The following NUAK1 variants were observed in gnomAD, a reference collection of about 807,000 sequenced individuals.
NUAK1 encodes the protein NUAK family SNF1-like kinase 1.
A neutral mutation model predicts 56.9 loss-of-function variants in NUAK1; 26 were observed. That is an observed-to-expected ratio of 0.46 (90% CI 0.33 to 0.63). The LOEUF (loss-of-function observed/expected upper bound fraction) is 0.63, where lower values mean the gene tolerates loss of function less well. NUAK1 is among the 30% of genes least tolerant of loss of function. The probability of loss-of-function intolerance (pLI) is 0.02; values close to 1 mark genes in which losing one functional copy is unlikely to be tolerated. For missense variants in NUAK1, 727 were observed against 876.1 expected, an observed-to-expected ratio of 0.83 and a Z score of 2.15; for synonymous variants, 337 against 336.0, an observed-to-expected ratio of 1.00 and a Z score of -0.03.
intron 1 of NUAK1, among the ~76,000 whole-genome samples, chr12:106,123,755 G>A (rs1013439998): frequency 2.0e-5 from 3 of 152,150 alleles, no homozygotes; most frequent in Non-Finnish European, 4.4e-5. Context: ...CTGCAGCTCA[G>A]GATCACACCA....
Position 106,133,680 on chromosome 12 carries a change from C to G in NUAK1, c.240+4734G>C, listed in dbSNP as rs540475058. On this transcript the variant is annotated intron_variant, in intron 1 of 6. Coordinates refer to ENST00000261402, the MANE Select transcript of NUAK1 (RefSeq NM_014840.3). The stretch of plus-strand genomic sequence containing the variant: ...TTAGCACAGTGGGATGCACCACAAG[C>G]TCTCAAAAATATCAGCTGGTAGTAA... 5.9e-5 allele frequency among the ~76,000 whole-genome samples: 9 copies of G among 152,254 alleles called. No individual in the cohort carries two copies. In the South Asian group the frequency reaches 1.9e-3, roughly 32 times the overall value.
rs1457413285 is a variant in NUAK1 at position 106,067,938 on chromosome 12, G to A, written c.850C>T (p.Arg284Trp). Residue 284 changes from arginine (R) to tryptophan (W), a missense_variant, in exon 7 of 7, where the codon CGG (arginine) becomes TGG (tryptophan). Physicochemically the swap from Arg to Trp is moderately radical, Grantham distance 101 (BLOSUM62 -3). Coordinates refer to ENST00000261402, the MANE Select transcript of NUAK1 (RefSeq NM_014840.3). The surrounding 1 kb of genome is among the most constrained non-coding windows in gnomAD (Gnocchi z 6.0). ...TCGGGGTTCACCATCAGCATCCACCGTATGAGTCCTCGAGCATCTAAGGGA... is the reference window on the plus strand; with the variant it reads ...TCGGGGTTCACCATCAGCATCCACCATATGAGTCCTCGAGCATCTAAGGGA... ...TQPSDARGLI[R>W]WMLMVNPDRR... 2 of 1,609,066 alleles carry A rather than the reference G, an allele frequency of 1.2e-6. No homozygotes were observed. Among genetic ancestry groups the A allele is most frequent in the Non-Finnish European group, 8.5e-7 (1 of 1,176,566 alleles).
At chr12:106,094,833 T>C (rs2032678144) in intron 2 of NUAK1, among the ~76,000 whole-genome samples, 1 of 152,280 alleles carries the variant, frequency 6.6e-6, no homozygotes. Flanking sequence ...CCGTGCCTGC[T>C]AGGATTAATA....
intron 2 of NUAK1, among the ~76,000 whole-genome samples, chr12:106,091,226 T>C (rs1192124318): frequency 1.3e-5 from 2 of 152,244 alleles, no homozygotes; most frequent in Non-Finnish European, 2.9e-5. Context: ...TGAAAGCCTG[T>C]GTCTCTTGGC....
rs1266733924 is a variant in NUAK1 at position 106,067,778 on chromosome 12, C to A, written c.1010G>T (p.Arg337Leu). 1.1e-5 allele frequency: 18 copies of A among 1,614,206 alleles called. No homozygotes were observed. Among genetic ancestry groups the A allele is most frequent in the Non-Finnish European group, 1.5e-5 (18 of 1,180,036 alleles). Residue 337 changes from arginine (R) to leucine (L), a missense_variant, in exon 7 of 7, where the codon CGT becomes CTT. Coordinates refer to ENST00000261402, the MANE Select transcript of NUAK1 (RefSeq NM_014840.3). This position sits in a 1 kb window ranked among gnomAD's most constrained non-coding sequence, Gnocchi z 6.0. ...GGTGTCAGCCTGCAGCCCTGTGGAA[C>A]GGTGGTGCCAGTCAATGATCCGAGC... is the stretch of plus-strand genomic sequence containing the variant. The part of the protein sequence containing the change: ...LLARIIDWHH[R>L]STGLQADTEA...
chr12:106,090,463 CT>C (rs2032624313), intron 2 of NUAK1, among the ~76,000 whole-genome samples: 1 of 152,188 alleles, frequency 6.6e-6, no homozygotes, highest in Admixed American at 6.5e-5. Flanking sequence ...AATAATCATT[CT>C]GCATGAATTA....
intron 1 of NUAK1, among the ~76,000 whole-genome samples, chr12:106,107,022 G>C (rs900201935): frequency 6.6e-6 from 1 of 152,154 alleles, no homozygotes; most frequent in African/African-American, 2.4e-5. Flanking sequence ...CGGCTTTTAA[G>C]ACTCCAGGCT....
intron 1 of NUAK1, among the ~76,000 whole-genome samples, chr12:106,115,020 T>C (rs959167926): frequency 6.6e-6 from 1 of 152,224 alleles, no homozygotes; most frequent in African/African-American, 2.4e-5. Flanking sequence ...TGAAGACTGA[T>C]TTAATATCAC....
intron 4 of NUAK1, among the ~76,000 whole-genome samples, chr12:106,074,410 T>C (rs1331280263): frequency 6.6e-6 from 1 of 152,244 alleles, no homozygotes; most frequent in Non-Finnish European, 1.5e-5. Context: ...TTTTATGTTA[T>C]GTCCACTTTA....
chr12:106,072,819 G>T lies in NUAK1; in HGVS notation c.604C>A (p.Leu202Met). The T allele has an allele frequency of 1.2e-6, 2 of 1,614,064 alleles. No individual in the cohort carries two copies. The highest frequency in any genetic ancestry group is 1.7e-6 in the Non-Finnish European group (2 of 1,179,956). Residue 202 changes from leucine to methionine, a missense_variant, in exon 5 of 7, where the codon CTG becomes ATG. Physicochemically the swap from Leu to Met is conservative, Grantham distance 15. Coordinates refer to ENST00000261402, the MANE Select transcript of NUAK1 (RefSeq NM_014840.3). ...IKIADFGLSNLYQKDKFLQTF... is the reference protein window; with the variant it reads ...IKIADFGLSNMYQKDKFLQTF... ...TGTAAGAACTTATCCTTCTGGTACA[G>T]GTTGGAAAGCCCAAAGTCAGCAATC...
intron 1 of NUAK1, among the ~76,000 whole-genome samples, chr12:106,128,970 T>C (rs2033051345): frequency 6.6e-6 from 1 of 152,212 alleles, no homozygotes; most frequent in Non-Finnish European, 1.5e-5. Flanking sequence ...AAAAAATGTT[T>C]TGAAAACCTT....
chr12:106,084,036 A>C, intron 3 of NUAK1, 107 bp from the exon 4 acceptor site: 1 of 953,672 alleles, frequency 1.0e-6, no homozygotes, highest in Non-Finnish European at 1.7e-6. Flanking sequence ...GACAGATTAA[A>C]GAAATGCACC....
chr12:106,112,469 T>A (rs12297025), intron 1 of NUAK1, among the ~76,000 whole-genome samples: 43,243 of 152,008 alleles, frequency 0.28, 11,313 homozygotes, highest in African/African-American at 0.7. Flanking sequence ...AGGATCACCA[T>A]GTGGCTTTCA....
At position 106,064,803 on chromosome 12, in the gene NUAK1, AC is replaced by A. The variant is rs1307536104; in HGVS notation, c.*1998del. 3.3e-5 allele frequency: 2 copies of A among 59,828 alleles called. No individual in the cohort carries two copies. Among genetic ancestry groups the A allele is most frequent in the African/African-American group, 9.9e-5 (2 of 20,298 alleles). The allele number at this position is 59,828 out of a possible 1,614,324, so 3.7% of individuals were successfully genotyped here. A position where few individuals can be genotyped will look rare whatever the true frequency, so the allele number is the denominator to read the frequency against. ...TGCACCCACACCCCCACCCCCCCCCACACACACAATTTGCTATCTACAGAAT... is the reference window on the plus strand; with the variant it reads ...TGCACCCACACCCCCACCCCCCCCCAACACACAATTTGCTATCTACAGAAT... On this transcript the variant is annotated 3_prime_UTR_variant, in exon 7 of 7. Coordinates refer to ENST00000261402, the MANE Select transcript of NUAK1 (RefSeq NM_014840.3).
chr12:106,096,467 CTG>C (rs1345565729), intron 2 of NUAK1, among the ~76,000 whole-genome samples: 3 of 152,214 alleles, frequency 2.0e-5, no homozygotes, highest in Non-Finnish European at 2.9e-5. Context: ...CTCTCTGGTG[CTG>C]TGTTACGAAT....
rs1446294128 is a variant in NUAK1 at position 106,065,885 on chromosome 12, A to G, written c.*917T>C. 2 of 152,564 alleles carry G rather than the reference A, an allele frequency of 1.3e-5. No individual in the cohort carries two copies. The highest frequency in any genetic ancestry group is 2.9e-5 in the Non-Finnish European group (2 of 68,034). The allele number at this position is 152,564 out of a possible 1,614,324, so 9.5% of individuals were successfully genotyped here. On this transcript the variant is annotated 3_prime_UTR_variant, in exon 7 of 7. Transcript: ENST00000261402. ...GACCATCTTGTGCCCTGTCATATATAATAGTTTTGACCTCTGACACCATCA... is the reference window on the plus strand; with the variant it reads ...GACCATCTTGTGCCCTGTCATATATGATAGTTTTGACCTCTGACACCATCA...
rs568710120 is a variant in NUAK1, at chr12:106,138,632, C to T, written c.22G>A (p.Val8Met). Residue 8 changes from valine (V) to methionine (M), a missense_variant, in exon 1 of 7, where the codon GTG (valine) becomes ATG (methionine). By Grantham distance (21) the Val-to-Met change is conservative. Coordinates refer to ENST00000261402, the MANE Select transcript of NUAK1 (RefSeq NM_014840.3). This position sits in a 1 kb window ranked among gnomAD's most constrained non-coding sequence, Gnocchi z 5.0. ...CCCAAGTCGGGGCGGTCCCCCGCCA[C>T]AGGCGCGGCGGCCCCTTCCATGTCC... MEGAAAP[V>M]AGDRPDLGLG... is the part of the protein sequence containing the mutation. 291 of 1,548,474 alleles carry T rather than the reference C, an allele frequency of 1.9e-4. 3 individuals are homozygous for T. In the South Asian group the frequency reaches 3.1e-3, roughly 16 times the overall value.
chr12:106,099,340 T>A (rs1022242559), intron 2 of NUAK1, among the ~76,000 whole-genome samples: 3 of 152,332 alleles, frequency 2.0e-5, no homozygotes, highest in South Asian at 4.1e-4. Context: ...TAGAAAACAC[T>A]TGACCTATGA....
At chr12:106,111,122 G>A (rs1044916693) in intron 1 of NUAK1, among the ~76,000 whole-genome samples, 2 of 152,144 alleles carry the variant, frequency 1.3e-5, no homozygotes, top group African/African-American at 4.8e-5. Context: ...TTCCTCACCT[G>A]TAAAATGGGG....
Sources: allele counts gnomAD v4.1 joint callset (sites outside exome capture counted in the v4.1 genomes callset), GRCh38; gene constraint gnomAD v4.1.1; non-coding constraint Gnocchi (gnomAD v3.1); transcripts MANE v1.5; gene names NCBI Gene and HGNC (gene_info 2026-07-23, HGNC 2026-07-21).